NDUFAF6: variants seen among roughly 807,000 people sequenced by gnomAD.
NDUFAF6 encodes the protein NADH:ubiquinone oxidoreductase complex assembly factor 6.
A neutral mutation model predicts 40.8 loss-of-function variants in NDUFAF6; 45 were observed. The ratio of observed to expected loss-of-function variants is 1.10; its 90% CI spans 0.87 to 1.42. The LOEUF is 1.42. NDUFAF6 is among the 40% of genes most tolerant of loss of function. The pLI is 0.00. For synonymous variants in NDUFAF6, 185 were observed against 155.9 expected (o/e 1.19, Z -1.39); for missense variants, 435 against 418.5 (o/e 1.04, Z -0.34).
At chr8:95,042,468 AT>A (rs1226617901) in intron 4 of NDUFAF6, among the ~76,000 whole-genome samples, 2 of 152,236 alleles carry the variant, frequency 1.3e-5, no homozygotes, top group Non-Finnish European at 2.9e-5. Flanking sequence ...GGTAAAGAAA[AT>A]TAGGGAACTC....
At chr8:94,899,553 TATAA>T (rs1285983210) in intron 1 of NDUFAF6, among the ~76,000 whole-genome samples, 2 of 152,258 alleles carry the variant, frequency 1.3e-5, no homozygotes, top group African/African-American at 4.8e-5. Context: ...ATTCCTGGTT[TATAA>T]ATGAGGAAGC....
intron 6 of NDUFAF6, among the ~76,000 whole-genome samples, chr8:95,047,594 C>T (rs1172313495): frequency 8.7e-5 from 13 of 150,142 alleles, no homozygotes; most frequent in Non-Finnish European, 1.6e-4. Flanking sequence ...ACTGCAACCT[C>T]CGCCTCCTGG....
At chr8:95,097,969 C>T (rs1445901280), upstream of NDUFAF6, among the ~76,000 whole-genome samples, 1 of 151,914 alleles carries the variant, frequency 6.6e-6, no homozygotes, top group Admixed American at 6.6e-5. Context: ...GTTCTGGATC[C>T]CTTTGTCTGG....
chr8:95,033,965 G>C (rs1199862621), intron 2 of NDUFAF6: 4 of 457,432 alleles, frequency 8.7e-6, no homozygotes, highest in Admixed American at 2.4e-5. Flanking sequence ...CCACTGGAGG[G>C]TTCTGAGCAG....
intron 1 of NDUFAF6, among the ~76,000 whole-genome samples, chr8:94,973,046 C>T (rs1010592749): frequency 6.6e-5 from 10 of 152,200 alleles, no homozygotes; most frequent in African/African-American, 2.4e-4. Flanking sequence ...CACTTCACTA[C>T]AGCCTGGGTG....
rs567825906 is a variant in NDUFAF6 at position 95,046,457 on chromosome 8, T to C, written c.581-537T>C. Among the ~76,000 whole-genome samples, 386 of 152,318 alleles carry C rather than the reference T, an allele frequency of 2.5e-3. 4 individuals are homozygous for C. The highest frequency in any genetic ancestry group is 8.8e-3 in the African/African-American group (365 of 41,574). ...TTTGTTGCCAGTTAGTGAGGTCTTA[T>C]TGAAATAAGGAAATTATTTGGGCCA... On this transcript the variant is annotated intron_variant, in intron 5 of 8. Transcript: ENST00000396124.
At chr8:95,009,567 C>T (rs1413183327) in intron 2 of NDUFAF6, among the ~76,000 whole-genome samples, 1 of 152,102 alleles carries the variant, frequency 6.6e-6, no homozygotes, top group African/African-American at 2.4e-5. Context: ...CCCATAACAG[C>T]AACGGAGAAA....
At chr8:95,079,266 G>C (rs771533586), downstream of NDUFAF6, among the ~76,000 whole-genome samples, 3 of 151,752 alleles carry the variant, frequency 2.0e-5, no homozygotes, top group Admixed American at 6.6e-5. Context: ...CACTGTACCT[G>C]GCCCTATTGA....
chr8:94,941,273 C>A (rs1014215747), intron 1 of NDUFAF6, among the ~76,000 whole-genome samples: 1 of 152,164 alleles, frequency 6.6e-6, no homozygotes, highest in Non-Finnish European at 1.5e-5. Flanking sequence ...AATACTCTTA[C>A]TCAAATTCAA....
intron 1 of NDUFAF6, among the ~76,000 whole-genome samples, chr8:94,968,103 A>G (rs951312381): frequency 4.6e-5 from 7 of 152,176 alleles, no homozygotes; most frequent in African/African-American, 1.7e-4. Flanking sequence ...GGACATCTCT[A>G]CTGGGCTGGG....
chr8:95,001,195 A>T (rs10098888), intron 2 of NDUFAF6, among the ~76,000 whole-genome samples: 14,638 of 151,882 alleles, frequency 0.096, 1,261 homozygotes, highest in African/African-American at 0.23. Context: ...AACTCAAGTG[A>T]TCCTCCCTAC....
intron 2 of NDUFAF6, among the ~76,000 whole-genome samples, chr8:95,018,053 A>T (rs1827537947): frequency 6.6e-6 from 1 of 151,534 alleles, no homozygotes; most frequent in Non-Finnish European, 1.5e-5. Context: ...GCTTCAGAAT[A>T]TTTTTTTTTC....
intron 1 of NDUFAF6, among the ~76,000 whole-genome samples, chr8:94,936,398 A>C (rs999855879): frequency 6.6e-6 from 1 of 152,190 alleles, no homozygotes; most frequent in African/African-American, 2.4e-5. Context: ...GCTGGATTCC[A>C]CACTGCCAAT....
At chr8:95,027,183 G>A (rs1828254914) in intron 1 of NDUFAF6, among the ~76,000 whole-genome samples, 1 of 152,126 alleles carries the variant, frequency 6.6e-6, no homozygotes, top group African/African-American at 2.4e-5. Flanking sequence ...GTGTGGAATG[G>A]GGGCTCTTGA....
At chr8:94,910,549 T>C (rs1818712592) in intron 1 of NDUFAF6, among the ~76,000 whole-genome samples, 1 of 152,212 alleles carries the variant, frequency 6.6e-6, no homozygotes, top group South Asian at 2.1e-4. Context: ...CTAGCCCTAC[T>C]GAGAGTTCAC....
intron 1 of NDUFAF6, among the ~76,000 whole-genome samples, chr8:94,932,548 A>T (rs889341748): frequency 4.6e-5 from 7 of 152,264 alleles, no homozygotes; most frequent in Admixed American, 4.6e-4. Flanking sequence ...TCACGCCTGT[A>T]ATCCCAGCAC....
intron 1 of NDUFAF6, among the ~76,000 whole-genome samples, chr8:94,972,722 C>T (rs906958202): frequency 7.6e-5 from 8 of 104,614 alleles, no homozygotes; most frequent in African/African-American, 2.9e-4. Flanking sequence ...AAGACCCTGT[C>T]TCTACTGAAA....
chr8:94,961,099 G>C (rs4735335), intron 1 of NDUFAF6, among the ~76,000 whole-genome samples: 77,028 of 151,974 alleles, frequency 0.51, 19,932 homozygotes, highest in East Asian at 0.72. Flanking sequence ...GAATTTTGAC[G>C]AACAATACAG....
chr8:94,910,383 C>T (rs1818699604), intron 1 of NDUFAF6, among the ~76,000 whole-genome samples: 1 of 152,178 alleles, frequency 6.6e-6, no homozygotes, highest in East Asian at 1.9e-4. Flanking sequence ...AAACTCCTGA[C>T]CTCGGGTGAA....
Sources: allele counts gnomAD v4.1 joint callset (sites outside exome capture counted in the v4.1 genomes callset), GRCh38; gene constraint gnomAD v4.1.1; transcripts MANE v1.5; gene names NCBI Gene and HGNC (gene_info 2026-07-23, HGNC 2026-07-21).